Variants in SOX5 observed in about 807,000 individuals in gnomAD.
The protein encoded by SOX5 is SRY-box transcription factor 5.
Under a neutral mutation model 92.0 loss-of-function variants are expected in SOX5, and 9 were observed. The ratio of observed to expected loss-of-function variants is 0.10; its 90% CI spans 0.06 to 0.17. SOX5 has a LOEUF of 0.17. Ranked by LOEUF, SOX5 falls within the 10% of genes least tolerant of loss-of-function variation. The probability of loss-of-function intolerance (pLI) is 1.00; values close to 1 mark genes in which losing one functional copy is unlikely to be tolerated. For synonymous variants in SOX5, 344 were observed against 336.3 expected (o/e 1.02, Z -0.25); for missense variants, 642 against 944.5 (o/e 0.68, Z 4.20).
chr12:23,534,689 TTTTTC>T (rs200049834), intron 14 of SOX5, among the ~76,000 whole-genome samples, 167 bp from the exon 15 acceptor site: 4,493 of 148,800 alleles, frequency 0.03, 85 homozygotes, highest in South Asian at 0.057. Context: ...TAATACCTTG[TTTTTC>T]TTTTCTTTTC....
intron 3 of SOX5, among the ~76,000 whole-genome samples, chr12:23,829,511 C>T (rs575160725): frequency 2.0e-5 from 3 of 152,146 alleles, no homozygotes; most frequent in Admixed American, 2.0e-4. Context: ...ACAAGAGGGA[C>T]TGGCACATTC....
chr12:23,727,648 G>C (rs1289773194), intron 6 of SOX5, among the ~76,000 whole-genome samples: 1 of 152,138 alleles, frequency 6.6e-6, no homozygotes, highest in Admixed American at 6.6e-5. Flanking sequence ...ACTGCATCTT[G>C]AGGAAGGGGA....
At chr12:24,538,224 C>CTT (rs1459682060) in intron 1 of SOX5, among the ~76,000 whole-genome samples, 1 of 152,152 alleles carries the variant, frequency 6.6e-6, no homozygotes, top group Non-Finnish European at 1.5e-5. Context: ...AAGTGCCAGC[C>CTT]TTGCAGTTCC....
intron 2 of SOX5, among the ~76,000 whole-genome samples, chr12:24,281,660 A>G (rs1336453209): frequency 1.3e-5 from 2 of 152,250 alleles, no homozygotes; most frequent in Admixed American, 6.6e-5. Context: ...AGAGCACAAT[A>G]AACAATTTTA....
At chr12:24,003,012 C>A (rs1951770003) in intron 4 of SOX5, among the ~76,000 whole-genome samples, 2 of 152,048 alleles carry the variant, frequency 1.3e-5, no homozygotes, top group African/African-American at 4.8e-5. Context: ...TTTAATATCT[C>A]TTCATCAGTT....
At chr12:24,006,550 G>A (rs1952185026) in intron 4 of SOX5, among the ~76,000 whole-genome samples, 1 of 152,006 alleles carries the variant, frequency 6.6e-6, no homozygotes, top group Non-Finnish European at 1.5e-5. Context: ...GAGATCACAA[G>A]TTGTCCCTGT....
intron 9 of SOX5, among the ~76,000 whole-genome samples, chr12:23,583,950 A>G (rs1950377270): frequency 6.6e-6 from 1 of 152,150 alleles, no homozygotes; most frequent in Admixed American, 6.6e-5. Flanking sequence ...AAAAAAAGTA[A>G]AACAGGAGCT....
At chr12:23,950,963 C>A, upstream of SOX5, 4 of 1,062,286 alleles carry the variant, frequency 3.8e-6, no homozygotes, top group Non-Finnish European at 4.2e-6. Flanking sequence ...AGTGTGCATT[C>A]TTCACACACG....
intron 2 of SOX5, among the ~76,000 whole-genome samples, chr12:24,287,045 C>A (rs1226522575): frequency 2.0e-5 from 3 of 152,248 alleles, no homozygotes; most frequent in East Asian, 1.9e-4. Flanking sequence ...AGCTTTAAGA[C>A]CCATCCTAAA....
At chr12:24,421,568 T>C (rs1361285278) in intron 1 of SOX5, among the ~76,000 whole-genome samples, 1 of 152,214 alleles carries the variant, frequency 6.6e-6, no homozygotes, top group South Asian at 2.1e-4. Context: ...TGGTGGTTTT[T>C]ACTATTAATA....
intron 4 of SOX5, among the ~76,000 whole-genome samples, chr12:24,082,045 T>C (rs1021293259): frequency 6.6e-6 from 1 of 151,966 alleles, no homozygotes; most frequent in African/African-American, 2.4e-5. Flanking sequence ...AATTTTGTTG[T>C]TGTTGTTGTT....
At chr12:24,268,523 T>C (rs528041006) in intron 3 of SOX5, among the ~76,000 whole-genome samples, 3 of 152,240 alleles carry the variant, frequency 2.0e-5, no homozygotes, top group African/African-American at 7.2e-5. Context: ...AGAAATAGAC[T>C]AAAACAAAAA....
At chr12:24,469,652 T>C (rs1488582972) in intron 1 of SOX5, among the ~76,000 whole-genome samples, 1 of 152,226 alleles carries the variant, frequency 6.6e-6, no homozygotes, top group Non-Finnish European at 1.5e-5. Flanking sequence ...GTGCAACTTA[T>C]GAGTAGATAT....
At chr12:23,737,182 C>T (rs1239497186) in intron 5 of SOX5, among the ~76,000 whole-genome samples, 3 of 152,106 alleles carry the variant, frequency 2.0e-5, no homozygotes, top group East Asian at 1.9e-4. Context: ...TCCCGTTCAC[C>T]GTGTCTCTCA....
intron 1 of SOX5, among the ~76,000 whole-genome samples, chr12:24,495,566 G>C (rs1421827171): frequency 6.6e-6 from 1 of 152,114 alleles, no homozygotes; most frequent in Non-Finnish European, 1.5e-5. Flanking sequence ...TTCCATTTGA[G>C]TGAACACTTG....
chr12:24,042,611 T>C (rs1030501986), intron 4 of SOX5, among the ~76,000 whole-genome samples: 1 of 152,164 alleles, frequency 6.6e-6, no homozygotes, highest in Admixed American at 6.6e-5. Flanking sequence ...AGTGTATCAT[T>C]TGCTTTAGTG....
At chr12:24,016,505 C>CAA (rs1953626975) in intron 4 of SOX5, among the ~76,000 whole-genome samples, 1 of 152,078 alleles carries the variant, frequency 6.6e-6, no homozygotes, top group Non-Finnish European at 1.5e-5. Context: ...TGGCCCTCAA[C>CAA]AACAACAAGA....
intron 3 of SOX5, among the ~76,000 whole-genome samples, chr12:23,812,457 A>G (rs545476231): frequency 6.6e-6 from 1 of 152,194 alleles, no homozygotes; most frequent in South Asian, 2.1e-4. Flanking sequence ...CAAAGAGAAA[A>G]CACAGATGGG....
intron 3 of SOX5, among the ~76,000 whole-genome samples, chr12:23,820,833 G>A (rs1672157641): frequency 6.6e-6 from 1 of 152,170 alleles, no homozygotes; most frequent in Non-Finnish European, 1.5e-5. Flanking sequence ...CAGCCTTGTA[G>A]TATAGTCTGA....
Sources: gnomAD v4.1 joint callset for allele counts (sites outside exome capture counted in the v4.1 genomes callset) on GRCh38, gnomAD v4.1.1 for gene constraint, MANE v1.5 for transcripts, NCBI Gene and HGNC (gene_info 2026-07-23, HGNC 2026-07-21) for gene names.